RFFL: variants seen among roughly 807,000 people sequenced by gnomAD.
RFFL encodes the protein ring finger and FYVE like domain containing E3 ubiquitin protein ligase.
RFFL carries 16 observed loss-of-function variants against 40.4 expected under a neutral mutation model. The ratio of observed to expected loss-of-function variants is 0.40; its 90% CI spans 0.27 to 0.60. The LOEUF (loss-of-function observed/expected upper bound fraction) is 0.60, where lower values mean the gene tolerates loss of function less well. Among genes scored for constraint, RFFL ranks in the 20% least tolerant of loss-of-function variants. The pLI, the probability that RFFL is intolerant of heterozygous loss-of-function variation, is 0.47. For synonymous variants in RFFL, 154 were observed against 167.9 expected, an observed-to-expected ratio of 0.92 and a Z score of 0.64; for missense variants, 367 against 451.7, an observed-to-expected ratio of 0.81 and a Z score of 1.70.
At chr17:35,043,570 T>C (rs895058251) in intron 1 of RFFL, among the ~76,000 whole-genome samples, 4 of 152,210 alleles carry the variant, frequency 2.6e-5, no homozygotes, top group Non-Finnish European at 5.9e-5. Context: ...CCCCAAGTTA[T>C]ACTTTAATGT....
At chr17:35,058,501 G>A (rs573137744) in intron 1 of RFFL, among the ~76,000 whole-genome samples, 1 of 152,156 alleles carries the variant, frequency 6.6e-6, no homozygotes, top group Non-Finnish European at 1.5e-5. Flanking sequence ...GGCCAGGTGC[G>A]GTGGCTCACG....
chr17:35,060,590 A>T (rs988588326), intron 1 of RFFL, among the ~76,000 whole-genome samples: 1 of 152,194 alleles, frequency 6.6e-6, no homozygotes, highest in Non-Finnish European at 1.5e-5. Flanking sequence ...AAAACACCAT[A>T]AAAATGTCGT....
At chr17:35,016,611 C>T (rs747332123) in intron 4 of RFFL, 31 bp from the exon 5 acceptor site, 1 of 1,556,434 alleles carries the variant, frequency 6.4e-7, no homozygotes, top group South Asian at 1.1e-5. Flanking sequence ...TCAGTGTGCT[C>T]AGCTCTTACC....
intron 1 of RFFL, among the ~76,000 whole-genome samples, chr17:35,041,791 C>T (rs911799690): frequency 2.8e-4 from 43 of 152,016 alleles, no homozygotes; most frequent in African/African-American, 8.7e-4. Flanking sequence ...CCAAGGCAGG[C>T]GGATCAGTTG....
chr17:35,014,594 C>A (rs955989600), intron 6 of RFFL, 146 bp downstream of exon 6: 2 of 741,202 alleles, frequency 2.7e-6, no homozygotes, highest in Admixed American at 4.2e-5. Context: ...TGGTGAGAGG[C>A]CCCCTGGGTC....
At chr17:35,055,310 C>T (rs2091254244) in intron 1 of RFFL, among the ~76,000 whole-genome samples, 1 of 152,126 alleles carries the variant, frequency 6.6e-6, no homozygotes, top group African/African-American at 2.4e-5. Context: ...GCACCCAAAA[C>T]CTACCCAAAT....
intron 1 of RFFL, among the ~76,000 whole-genome samples, chr17:35,043,429 TTATAATAAGG>T (rs1358629670): frequency 6.6e-6 from 1 of 152,210 alleles, no homozygotes; most frequent in African/African-American, 2.4e-5. Context: ...ATAGCCGTCA[TTATAATAAGG>T]CATGGGCTCA....
upstream of RFFL, among the ~76,000 whole-genome samples, chr17:35,065,097 C>A (rs1457046688): frequency 6.6e-6 from 1 of 151,940 alleles, no homozygotes; most frequent in Non-Finnish European, 1.5e-5. Flanking sequence ...TAGCAGCTGA[C>A]AACCATTATC....
At chr17:35,043,735 T>A (rs949073496) in intron 1 of RFFL, among the ~76,000 whole-genome samples, 2 of 152,204 alleles carry the variant, frequency 1.3e-5, no homozygotes, top group Non-Finnish European at 2.9e-5. Context: ...ACCTAAAATG[T>A]GCCAAGTTAG....
At chr17:35,028,125 A>G (rs1456255921) in intron 1 of RFFL, among the ~76,000 whole-genome samples, 1 of 152,008 alleles carries the variant, frequency 6.6e-6, no homozygotes, top group East Asian at 1.9e-4. Context: ...GCTTGAGCTC[A>G]GGAGTTCAAG....
intron 1 of RFFL, among the ~76,000 whole-genome samples, chr17:35,055,829 CT>C (rs1025136405): frequency 4.0e-5 from 6 of 150,946 alleles, no homozygotes; most frequent in Admixed American, 3.3e-4. Flanking sequence ...AAGCATAAGG[CT>C]TTTTTTTTAA....
Position 35,052,128 on chromosome 17 carries a change from T to C in RFFL, c.-9+11448A>G, listed in dbSNP as rs922381374. ...ATTCAATATTAACGGTTAGCAGAAG[T>C]TTCTGTGGTTTCCTGCATTATTTCT... is the stretch of plus-strand genomic sequence containing the variant. On this transcript the variant is annotated intron_variant, in intron 1 of 6. Transcript: ENST00000394597. Among the ~76,000 whole-genome samples the C allele has an allele frequency of 7.2e-5, 11 of 152,318 alleles. No homozygotes were observed. In the East Asian group the frequency reaches 1.7e-3, roughly 24 times the overall value.
chr17:35,018,724 A>G (rs771370265), intron 3 of RFFL: 4 of 152,286 alleles, frequency 2.6e-5, no homozygotes, highest in Non-Finnish European at 4.4e-5. Context: ...AAATCAAGGC[A>G]AGATCAAATG....
chr17:35,049,256 A>T (rs2091218223), intron 1 of RFFL, among the ~76,000 whole-genome samples: 1 of 152,144 alleles, frequency 6.6e-6, no homozygotes, highest in East Asian at 1.9e-4. Context: ...GGAATTACAA[A>T]GTGGAAGGAC....
At chr17:35,082,806 A>G (rs184404583) in intron 1 of RFFL, among the ~76,000 whole-genome samples, 9 of 152,318 alleles carry the variant, frequency 5.9e-5, no homozygotes, top group Admixed American at 3.9e-4. Context: ...CCTACCAGGT[A>G]TTTTCATCTT....
At chr17:35,068,357 C>G (rs1326550582), upstream of RFFL, among the ~76,000 whole-genome samples, 1 of 152,214 alleles carries the variant, frequency 6.6e-6, no homozygotes, top group Non-Finnish European at 1.5e-5. Flanking sequence ...AATGGCCTCT[C>G]CTGGGAGATA....
At chr17:35,034,657 T>C (rs2091108291) in intron 1 of RFFL, among the ~76,000 whole-genome samples, 1 of 151,804 alleles carries the variant, frequency 6.6e-6, no homozygotes, top group Non-Finnish European at 1.5e-5. Flanking sequence ...GCCTCCCGAG[T>C]AGCTGGGACA....
chr17:35,064,794 T>C (rs551961409), upstream of RFFL, among the ~76,000 whole-genome samples: 1 of 152,336 alleles, frequency 6.6e-6, no homozygotes, highest in African/African-American at 2.4e-5. Context: ...CATTCAATAA[T>C]GTTAGGTTAA....
intron 1 of RFFL, among the ~76,000 whole-genome samples, chr17:35,041,074 C>T (rs911766430): frequency 6.6e-6 from 1 of 151,912 alleles, no homozygotes; most frequent in African/African-American, 2.4e-5. Flanking sequence ...TTCACCATAA[C>T]ATTTGGTATT....
Sources: gnomAD v4.1 joint callset for allele counts (sites outside exome capture counted in the v4.1 genomes callset) on GRCh38, gnomAD v4.1.1 for gene constraint, MANE v1.5 for transcripts, NCBI Gene and HGNC (gene_info 2026-07-23, HGNC 2026-07-21) for gene names.